The following SETD5 variants were observed in gnomAD, a reference collection of about 807,000 sequenced individuals.
SETD5 encodes the protein histone-lysine N-methyltransferase SETD5.
In SETD5, 44 loss-of-function variants were observed where a neutral mutation model predicts 153.3. The observed-to-expected ratio is 0.29, with a 90% CI of 0.23 to 0.37. The LOEUF (loss-of-function observed/expected upper bound fraction) is 0.37. Among genes scored for constraint, SETD5 ranks in the 10% least tolerant of loss-of-function variants. SETD5 has a pLI of 1.00. For synonymous variants in SETD5, 716 were observed against 645.2 expected (o/e 1.11, Z -1.66); for missense variants, 1,544 against 1,768.0 (o/e 0.87, Z 2.27).
intron 3 of SETD5, among the ~76,000 whole-genome samples, chr3:9,432,493 GA>G (rs1408391181): frequency 6.6e-6 from 1 of 152,124 alleles, no homozygotes; most frequent in Non-Finnish European, 1.5e-5. Context: ...TTGACTCCCT[GA>G]AAGACCCATT....
rs944546955 is a variant in SETD5 at position 9,434,335 on chromosome 3, C to T, written c.179C>T (p.Thr60Met). 22 of 1,613,574 alleles carry T rather than the reference C, an allele frequency of 1.4e-5. No homozygotes were observed. The highest frequency in any genetic ancestry group is 1.7e-5 in the Non-Finnish European group (20 of 1,179,618). The change falls in exon 5 of 23, where the codon ACG becomes ATG. Residue 60 changes from threonine to methionine, a missense_variant and splice_region_variant. By Grantham distance (81) the Thr-to-Met change is moderately conservative. This residue lies in a region of SETD5 where 251 missense variants were observed against 326.9 expected (regional missense o/e 0.77). Transcript: ENST00000402198. The surrounding 1 kb of genome is among the most constrained non-coding windows in gnomAD (Gnocchi z 5.6). ...CCTCCTGCTTCTCCCCCTGTCCAGA[C>T]GATCATCCCTCGTTCTGACCTGAAT... ...RHGCRGLPYA[T>M]IIPRSDLNGL...
rs2042264182 is a variant in SETD5, at chr3:9,448,473, C to G, written c.2189C>G (p.Thr730Ser). 3 of 1,613,860 alleles carry G rather than the reference C, an allele frequency of 1.9e-6. No individual in the cohort carries two copies. The highest frequency in any genetic ancestry group is 1.7e-6 in the Non-Finnish European group (2 of 1,179,904). The change falls in exon 16 of 23, where the codon ACT becomes AGT. Residue 730 changes from threonine (T) to serine (S), a missense_variant. Thr to Ser is a moderately conservative substitution (Grantham distance 58). Coordinates refer to ENST00000402198, the MANE Select transcript of SETD5 (RefSeq NM_001080517.3). ...ECPLRITTDP[T>S]VLATTLNMLP... is the part of the protein sequence containing the mutation. ...CCTTTACGTATCACAACGGATCCAACTGTACTGGCAACGACCCTAAACATG... is the reference window on the plus strand; with the variant it reads ...CCTTTACGTATCACAACGGATCCAAGTGTACTGGCAACGACCCTAAACATG...
At chr3:9,422,514 A>G (rs1008551443) in intron 1 of SETD5, among the ~76,000 whole-genome samples, 11 of 152,212 alleles carry the variant, frequency 7.2e-5, no homozygotes, top group African/African-American at 2.4e-4. Flanking sequence ...AGAATGAGGA[A>G]AATAAGTATA....
intron 16 of SETD5, among the ~76,000 whole-genome samples, chr3:9,452,889 G>A (rs540459093): frequency 1.3e-5 from 2 of 152,112 alleles, no homozygotes; most frequent in East Asian, 3.9e-4. Flanking sequence ...TTATGTCAGG[G>A]CAGGAGAGCC....
rs201582360 is a variant in SETD5 at position 9,475,691 on chromosome 3, C to G, written c.3929C>G (p.Ser1310Trp). Residue 1310 changes from serine (S) to tryptophan (W), a missense_variant, in exon 23 of 23, where the codon TCG (serine) becomes TGG (tryptophan). By Grantham distance (177) the Ser-to-Trp change is radical. Around this residue, in one of 9 missense-constraint regions of SETD5, gnomAD observed 302 missense variants for 277.6 expected, o/e 1.09. Coordinates refer to ENST00000402198, the MANE Select transcript of SETD5 (RefSeq NM_001080517.3). ...SSPAHPVSTD[S>W]LAPFTGTPGY... is the part of the protein sequence containing the mutation. ...CCCGCCCACCCTGTGTCCACAGACT[C>G]GTTGGCCCCATTTACGGGGACACCA... The G allele has an allele frequency of 5.0e-6, 8 of 1,613,852 alleles. No individual in the cohort carries two copies. In the Admixed American group the frequency reaches 8.3e-5, roughly 17 times the overall value.
At chr3:9,441,506 G>A (rs1446394920) in intron 8 of SETD5, 87 bp from the exon 9 acceptor site, 9 of 1,239,066 alleles carry the variant, frequency 7.3e-6, no homozygotes, top group African/African-American at 1.5e-5. Flanking sequence ...GAAAATATTA[G>A]CATGTTTTCC....
intron 17 of SETD5, among the ~76,000 whole-genome samples, chr3:9,462,851 T>A (rs1575563044): frequency 6.6e-6 from 1 of 152,146 alleles, no homozygotes; most frequent in African/African-American, 2.4e-5. Context: ...AGTGCTTGAT[T>A]TATAGAGTTG....
intron 17 of SETD5, among the ~76,000 whole-genome samples, chr3:9,464,092 C>T (rs997359045): frequency 6.6e-6 from 1 of 152,144 alleles, no homozygotes. Context: ...AATGCCATTG[C>T]ACTCCAGCCT....
intron 1 of SETD5, among the ~76,000 whole-genome samples, chr3:9,412,976 C>T (rs34065883): frequency 0.039 from 5,944 of 152,112 alleles, 162 homozygotes; most frequent in Non-Finnish European, 0.059. Flanking sequence ...GATTCTCATG[C>T]CTCAGCCTCC....
At chr3:9,425,343 C>T (rs1559381098) in intron 2 of SETD5, among the ~76,000 whole-genome samples, 1 of 151,928 alleles carries the variant, frequency 6.6e-6, no homozygotes, top group Non-Finnish European at 1.5e-5. Context: ...GAATTACAAG[C>T]GTGAGCCACT....
intron 1 of SETD5, among the ~76,000 whole-genome samples, chr3:9,403,414 T>C (rs2035147371): frequency 6.6e-6 from 1 of 152,192 alleles, no homozygotes. Flanking sequence ...AAACACATTG[T>C]AATACAATGT....
At chr3:9,414,922 AAAT>A (rs1166059686) in intron 1 of SETD5, among the ~76,000 whole-genome samples, 1 of 152,158 alleles carries the variant, frequency 6.6e-6, no homozygotes, top group Non-Finnish European at 1.5e-5. Flanking sequence ...ACTCAGGAAA[AAAT>A]AAGTTTATAA....
chr3:9,406,996 T>C (rs1285945784), intron 1 of SETD5, among the ~76,000 whole-genome samples: 1 of 152,218 alleles, frequency 6.6e-6, no homozygotes, highest in Non-Finnish European at 1.5e-5. Context: ...AATCCAAAAA[T>C]ATGAAAATTA....
chr3:9,435,743 CA>C lies in SETD5; in HGVS notation c.406del (p.Thr136GlnfsTer27). 2 of 1,596,680 alleles carry C rather than the reference CA, an allele frequency of 1.3e-6. No individual in the cohort carries two copies. Among genetic ancestry groups the C allele is most frequent in the Non-Finnish European group, 8.5e-7 (1 of 1,172,750 alleles). ...CATTTTTCAGGTGGGGATAGCAGTG[CA>C]ACAGAAAGCTGGGATGAGGAGCTTT... Reference protein sequence around the residue: ...QDNISGGDSSATESWDEELSP... With the variant: ...QDNISGGDSSXTESWDEELSP... On this transcript the variant is annotated frameshift_variant, in exon 7 of 23. Transcript: ENST00000402198. LOFTEE classifies it high-confidence loss of function.
At chr3:9,473,800 C>G (rs919902411) in intron 20 of SETD5, among the ~76,000 whole-genome samples, 1 of 152,200 alleles carries the variant, frequency 6.6e-6, no homozygotes, top group Non-Finnish European at 1.5e-5. Flanking sequence ...TGAGCTCTTT[C>G]ATTTGGTGGG....
chr3:9,421,075 T>C (rs1045966679), intron 1 of SETD5, among the ~76,000 whole-genome samples: 1 of 152,024 alleles, frequency 6.6e-6, no homozygotes, highest in Non-Finnish European at 1.5e-5. Flanking sequence ...TTTTTTTTAT[T>C]GTACAGATGA....
chr3:9,429,126 A>C lies in SETD5; in HGVS notation c.71+117A>C, dbSNP rs1004479581. On this transcript the variant is annotated intron_variant, in intron 3 of 22. Transcript: ENST00000402198. ...TCTTAACCAGATCCTATTCCACTGT[A>C]ATTAACATTAGACCTTTCCCTTTAC... 3.7e-5 allele frequency: 23 copies of C among 616,798 alleles called. No individual in the cohort carries two copies. The African/African-American group carries it at 4.1e-4, about 11-fold the overall frequency. 38.2% of individuals were successfully genotyped at this position (616,798 alleles called of 1,614,324 possible).
intron 1 of SETD5, among the ~76,000 whole-genome samples, chr3:9,401,114 T>A (rs930427175): frequency 6.6e-6 from 1 of 152,242 alleles, no homozygotes; most frequent in Non-Finnish European, 1.5e-5. Flanking sequence ...ATGAGTTTTG[T>A]CATTCACAAA....
At chr3:9,409,812 A>G (rs1391636316) in intron 1 of SETD5, among the ~76,000 whole-genome samples, 5 of 152,230 alleles carry the variant, frequency 3.3e-5, no homozygotes, top group South Asian at 4.1e-4. Flanking sequence ...TCAGTGCTAC[A>G]TGATGTTTAC....
Sources: gnomAD v4.1 joint callset for allele counts (sites outside exome capture counted in the v4.1 genomes callset) on GRCh38, gnomAD v4.1.1 for gene constraint, gnomAD v4.1.1 regional missense constraint, Gnocchi (gnomAD v3.1) non-coding constraint, MANE v1.5 for transcripts, NCBI Gene and HGNC (gene_info 2026-07-23, HGNC 2026-07-21) for gene names.